The following CFAP418 variants were observed in gnomAD, a reference collection of about 807,000 sequenced individuals.
CFAP418 encodes the protein cilia and flagella associated protein 418.
Under a neutral mutation model 24.7 loss-of-function variants are expected in CFAP418, and 27 were observed. That is an observed-to-expected ratio of 1.09 (90% CI 0.81 to 1.51). The LOEUF is 1.51. Ranked by LOEUF, CFAP418 falls within the 40% of genes most tolerant of loss-of-function variation. CFAP418 has a pLI of 0.00. For synonymous variants in CFAP418, 74 were observed against 87.3 expected, an observed-to-expected ratio of 0.85 and a Z score of 0.85; for missense variants, 257 against 255.2, an observed-to-expected ratio of 1.01 and a Z score of -0.05.
At chr8:95,253,041 G>T (rs985052413) in intron 4 of CFAP418, among the ~76,000 whole-genome samples, 68 of 151,950 alleles carry the variant, frequency 4.5e-4, no homozygotes, top group African/African-American at 1.4e-3. Context: ...CGGGCGCGGT[G>T]GCTCACGCCT....
intron 1 of CFAP418, among the ~76,000 whole-genome samples, chr8:95,264,221 A>C (rs975741905): frequency 2.0e-5 from 3 of 152,144 alleles, no homozygotes; most frequent in African/African-American, 7.2e-5. Context: ...AAGGTCATGT[A>C]ATCAAATGAC....
chr8:95,259,677 G>C (rs1401046019), intron 4 of CFAP418, among the ~76,000 whole-genome samples, 163 bp downstream of exon 4: 1 of 152,062 alleles, frequency 6.6e-6, no homozygotes, highest in African/African-American at 2.4e-5. Context: ...GCTTTCAATA[G>C]CTATCTCCCA....
At chr8:95,248,955 AC>A (rs752084113) in intron 5 of CFAP418, among the ~76,000 whole-genome samples, 5 of 152,206 alleles carry the variant, frequency 3.3e-5, no homozygotes, top group Admixed American at 6.5e-5. Flanking sequence ...TTAGAACCTC[AC>A]AAAACCTGAC....
intron 1 of CFAP418, chr8:95,268,828 C>G (rs555117051): frequency 9.8e-5 from 48 of 489,534 alleles, no homozygotes; most frequent in African/African-American, 7.3e-4. Context: ...GGGGCGGAGT[C>G]TGCGCTGAGT....
Position 95,247,562 on chromosome 8 carries a change from G to A in CFAP418, c.*55C>T. ...GGGACTATTGTCTAAACATGATGAT[G>A]ATTCATGGAGACCACTCTCATGGAT... On this transcript the variant is annotated 3_prime_UTR_variant, in exon 6 of 6. Transcript: ENST00000286688. 14 of 1,593,882 alleles carry A rather than the reference G, an allele frequency of 8.8e-6. No individual in the cohort carries two copies. Among genetic ancestry groups the A allele is most frequent in the Non-Finnish European group, 1.2e-5 (14 of 1,163,232 alleles).
At chr8:95,257,375 T>C (rs185612576) in intron 4 of CFAP418, among the ~76,000 whole-genome samples, 18 of 152,342 alleles carry the variant, frequency 1.2e-4, no homozygotes, top group Non-Finnish European at 2.1e-4. Context: ...TGGATTTATA[T>C]TAGCCTGTTG....
At position 95,263,677 on chromosome 8, in the gene CFAP418, CTT is replaced by C; in HGVS notation, c.243+8_243+9del. ...ACAGAATTACTACATATTTATAACA[CTT>C]GACTTACAGAGGGTTTTTTGTCCAA... On this transcript the variant is annotated splice_region_variant and intron_variant, in intron 2 of 5. Transcript: ENST00000286688. The C allele has an allele frequency of 6.5e-7, 1 of 1,541,352 alleles. No homozygotes were observed. The highest frequency in any genetic ancestry group is 9.0e-7 in the Non-Finnish European group (1 of 1,115,156).
At chr8:95,268,950 T>A in intron 1 of CFAP418, 85 bp downstream of exon 1, 1 of 1,454,454 alleles carries the variant, frequency 6.9e-7, no homozygotes, top group Non-Finnish European at 9.4e-7. Context: ...CGGGCACGTT[T>A]CTTTTGGGTT....
intron 1 of CFAP418, 129 bp downstream of exon 1, chr8:95,268,906 T>C: frequency 2.0e-6 from 2 of 1,017,880 alleles, no homozygotes; most frequent in Non-Finnish European, 2.9e-6. Flanking sequence ...GCGCTGAGGG[T>C]CTGAACCCTG....
chr8:95,268,137 C>T (rs1184552940), intron 1 of CFAP418, among the ~76,000 whole-genome samples: 2 of 152,136 alleles, frequency 1.3e-5, no homozygotes, highest in Non-Finnish European at 2.9e-5. Flanking sequence ...CATCTTAACT[C>T]CCTGAGTTAA....
At chr8:95,254,786 A>G (rs952496110) in intron 4 of CFAP418, among the ~76,000 whole-genome samples, 3 of 152,178 alleles carry the variant, frequency 2.0e-5, no homozygotes, top group Admixed American at 1.3e-4. Context: ...TTCTTCCCAT[A>G]TTACATGGCT....
chr8:95,264,472 A>G (rs1811943000), intron 1 of CFAP418, among the ~76,000 whole-genome samples: 1 of 152,156 alleles, frequency 6.6e-6, no homozygotes. Context: ...ATTTAACCCC[A>G]GTTTTATAGA....
intron 4 of CFAP418, 79 bp downstream of exon 4, chr8:95,259,758 AGAT>A (rs1321301134): frequency 2.1e-6 from 2 of 963,282 alleles, no homozygotes; most frequent in Admixed American, 2.2e-5. Context: ...ATTGATGTGA[AGAT>A]GATAACTACA....
At chr8:95,263,978 T>C (rs1341854910) in intron 1 of CFAP418, among the ~76,000 whole-genome samples, 2 of 152,176 alleles carry the variant, frequency 1.3e-5, no homozygotes, top group Non-Finnish European at 2.9e-5. Context: ...ATATGTTCTA[T>C]ACTATTACAT....
At position 95,269,149 on chromosome 8, in the gene CFAP418, G is replaced by C; in HGVS notation, c.41C>G (p.Ser14Cys). The stretch of plus-strand genomic sequence containing the variant: ...TAGAAGGTCAGGTGTGCAAAACTTG[G>C]ACTCGACTTCATCCAAGAGCTCGTC... ...DLDELLDEVE[S>C]KFCTPDLLRR... The change falls in exon 1 of 6, where the codon TCC (serine) becomes TGC (cysteine). Residue 14 changes from serine to cysteine, a missense_variant. Transcript: ENST00000286688. 6.2e-7 allele frequency: 1 copy of C among 1,614,236 alleles called. No individual in the cohort carries two copies. Among genetic ancestry groups the C allele is most frequent in the Non-Finnish European group, 8.5e-7 (1 of 1,180,032 alleles).
In CFAP418 at chr8:95,252,292, A is replaced by AG. The variant is rs1389828105; in HGVS notation, c.375-10dup. On this transcript the variant is annotated splice_polypyrimidine_tract_variant and intron_variant, in intron 4 of 5. Transcript: ENST00000286688. The stretch of plus-strand genomic sequence containing the variant: ...GCAGATGGTCACATGCTCTGTTCAG[A>AG]GAAAAAAAATTGTATATTAAAGATT... 1 of 1,595,390 alleles carries AG rather than the reference A, an allele frequency of 6.3e-7. No individual in the cohort carries two copies. The highest frequency in any genetic ancestry group is 1.7e-5 in the Admixed American group (1 of 57,634).
At chr8:95,266,799 T>C (rs764086865) in intron 1 of CFAP418, among the ~76,000 whole-genome samples, 1 of 152,234 alleles carries the variant, frequency 6.6e-6, no homozygotes, top group African/African-American at 2.4e-5. Context: ...AAAAATCTAA[T>C]GTATTAAGGT....
chr8:95,247,764 G>A lies in CFAP418; in HGVS notation c.477C>T (p.Asn159=), dbSNP rs1037586752. 6.2e-7 allele frequency: 1 copy of A among 1,604,040 alleles called. No individual in the cohort carries two copies. Among genetic ancestry groups the A allele is most frequent in the Non-Finnish European group, 8.5e-7 (1 of 1,174,880 alleles). Residue 159 remains asparagine, a synonymous_variant, in exon 6 of 6, where the codon AAC becomes AAT. Transcript: ENST00000286688. ...CTTTTAATTTGTGAAATTCTGGCAT[G>A]TTGTTCCTATTAGTAAAACAGGAAA... The part of the protein sequence containing the change: ...KSCDYLFFRN[N]MPEFHKLKAK...
rs1811636951 is a variant in CFAP418, at chr8:95,247,235, GCTTTATCCA to G, written c.*373_*381del. ...CTAAATGATCTCTTTGCCCTGGCCG[GCTTTATCCA>G]CTTTAACTGCTACAAGTTGGGGAAT... On this transcript the variant is annotated 3_prime_UTR_variant, in exon 6 of 6. Coordinates refer to ENST00000286688, the MANE Select transcript of CFAP418 (RefSeq NM_177965.4). The G allele has an allele frequency of 5.2e-6, 1 of 192,718 alleles. No homozygotes were observed. Among genetic ancestry groups the G allele is most frequent in the Admixed American group, 5.4e-5 (1 of 18,550 alleles). The allele number at this position is 192,718 out of a possible 1,614,324, so 11.9% of individuals were successfully genotyped here. A position where few individuals can be genotyped will look rare whatever the true frequency, so the allele number is the denominator to read the frequency against.
Sources: gnomAD v4.1 joint callset for allele counts (sites outside exome capture counted in the v4.1 genomes callset) on GRCh38, gnomAD v4.1.1 for gene constraint, MANE v1.5 for transcripts, NCBI Gene and HGNC (gene_info 2026-07-23, HGNC 2026-07-21) for gene names.